The following MGAT4C variants were observed in gnomAD, a reference collection of about 807,000 sequenced individuals.
MGAT4C encodes the protein MGAT4 family member C, also known as alpha-1,3-mannosyl-glycoprotein 4-beta-N-acetylglucosaminyltransferase C.
In MGAT4C, 19 loss-of-function variants were observed where a neutral mutation model predicts 40.1. The ratio of observed to expected loss-of-function variants is 0.47; its 90% CI spans 0.33 to 0.70. The LOEUF is 0.70. Among genes scored for constraint, MGAT4C ranks in the 30% least tolerant of loss-of-function variants. The probability of loss-of-function intolerance (pLI) is 0.02; values close to 1 mark genes in which losing one functional copy is unlikely to be tolerated. For synonymous variants in MGAT4C, 181 were observed against 187.1 expected (o/e 0.97, Z 0.27); for missense variants, 491 against 563.2 (o/e 0.87, Z 1.30).
intron 2 of MGAT4C, among the ~76,000 whole-genome samples, chr12:86,654,229 T>A (rs977697384): frequency 7.2e-5 from 11 of 151,968 alleles, no homozygotes; most frequent in Non-Finnish European, 1.6e-4. Flanking sequence ...CCGTTTAATT[T>A]ACACTGATTG....
At chr12:86,467,518 CACACAT>C (rs1957698994) in intron 2 of MGAT4C, among the ~76,000 whole-genome samples, 1 of 152,094 alleles carries the variant, frequency 6.6e-6, no homozygotes, top group Admixed American at 6.5e-5. Flanking sequence ...ATTATATACA[CACACAT>C]ACACAGAATA....
intron 4 of MGAT4C, among the ~76,000 whole-genome samples, chr12:86,292,509 A>AT (rs1028952212): frequency 6.6e-6 from 1 of 151,756 alleles, no homozygotes; most frequent in African/African-American, 2.4e-5. Flanking sequence ...AGCAGGGCCC[A>AT]TTTTCCCCCA....
At chr12:86,797,844 C>T (rs1180562833) in intron 1 of MGAT4C, among the ~76,000 whole-genome samples, 1 of 151,900 alleles carries the variant, frequency 6.6e-6, no homozygotes, top group Non-Finnish European at 1.5e-5. Context: ...GACACTATAC[C>T]AGCATCTTAG....
chr12:86,403,481 AC>A (rs1365193966), intron 3 of MGAT4C, among the ~76,000 whole-genome samples: 3 of 152,234 alleles, frequency 2.0e-5, no homozygotes, highest in African/African-American at 7.2e-5. Flanking sequence ...AGAAATGTCA[AC>A]CACAAAGAAG....
intron 3 of MGAT4C, among the ~76,000 whole-genome samples, chr12:86,391,791 C>T (rs1456933877): frequency 5.3e-5 from 8 of 151,822 alleles, no homozygotes; most frequent in East Asian, 3.9e-4. Context: ...ACCCGGGAGG[C>T]GGAGCTTGCA....
chr12:86,248,636 G>A (rs531666918), intron 1 of MGAT4C, among the ~76,000 whole-genome samples: 1 of 152,012 alleles, frequency 6.6e-6, no homozygotes. Context: ...TGCCTTTTCT[G>A]TCCTATTGCC....
intron 1 of MGAT4C, among the ~76,000 whole-genome samples, chr12:86,769,009 T>C (rs1259256055): frequency 6.6e-6 from 1 of 151,248 alleles, no homozygotes; most frequent in African/African-American, 2.4e-5. Context: ...AAAGACAAAA[T>C]TGACAAATGG....
intron 3 of MGAT4C, among the ~76,000 whole-genome samples, chr12:86,343,704 T>C (rs1263035181): frequency 6.6e-6 from 1 of 152,176 alleles, no homozygotes; most frequent in Non-Finnish European, 1.5e-5. Flanking sequence ...CTTTCAAATA[T>C]ATCTTCATCA....
intron 2 of MGAT4C, among the ~76,000 whole-genome samples, chr12:86,725,440 C>T (rs919332569): frequency 3.9e-5 from 6 of 152,052 alleles, no homozygotes; most frequent in African/African-American, 1.4e-4. Flanking sequence ...AAAACATCAG[C>T]GCCCCCTGAC....
intron 1 of MGAT4C, among the ~76,000 whole-genome samples, chr12:86,140,763 A>G (rs1369254577): frequency 1.3e-5 from 2 of 152,254 alleles, no homozygotes; most frequent in Non-Finnish European, 2.9e-5. Flanking sequence ...TAGAGCAACT[A>G]GAATGTACTT....
chr12:86,168,299 C>T (rs1447487707), intron 1 of MGAT4C, among the ~76,000 whole-genome samples: 1 of 152,166 alleles, frequency 6.6e-6, no homozygotes, highest in African/African-American at 2.4e-5. Context: ...TGTTAAATTA[C>T]TGAATTACTT....
At chr12:86,026,607 T>C (rs958623133) in intron 2 of MGAT4C, among the ~76,000 whole-genome samples, 5 of 152,018 alleles carry the variant, frequency 3.3e-5, no homozygotes, top group Non-Finnish European at 7.4e-5. Flanking sequence ...TTTTTTGATA[T>C]AAATATATTA....
chr12:86,276,294 G>A (rs1953080141), intron 4 of MGAT4C, among the ~76,000 whole-genome samples: 1 of 151,986 alleles, frequency 6.6e-6, no homozygotes, highest in South Asian at 2.1e-4. Flanking sequence ...TAATTTTGTA[G>A]GTATATGGTG....
intron 2 of MGAT4C, among the ~76,000 whole-genome samples, chr12:86,031,688 A>G (rs1289942561): frequency 2.0e-5 from 3 of 151,908 alleles, no homozygotes; most frequent in African/African-American, 7.2e-5. Context: ...GCAATTTCAG[A>G]TAAGTTTCTG....
At position 85,973,163 on chromosome 12, in the gene MGAT4C, C is replaced by T. The variant is rs1012615559; in HGVS notation, c.*6126G>A. The T allele has an allele frequency of 1.3e-5, 2 of 150,720 alleles. No individual in the cohort carries two copies. Among genetic ancestry groups the T allele is most frequent in the Non-Finnish European group, 3.0e-5 (2 of 67,014 alleles). The allele number at this position is 150,720 out of a possible 1,614,324, so 9.3% of individuals were successfully genotyped here. On this transcript the variant is annotated 3_prime_UTR_variant, in exon 5 of 5. Coordinates refer to ENST00000611864, the MANE Select transcript of MGAT4C (RefSeq NM_001351288.2). Reference sequence around the variant, plus strand: ...ATACTTTTGGTACCTTCATAATAAACGGTAAAGTGAGGGAAAGGGTGGAAG... The same window carrying T: ...ATACTTTTGGTACCTTCATAATAAATGGTAAAGTGAGGGAAAGGGTGGAAG...
intron 2 of MGAT4C, among the ~76,000 whole-genome samples, chr12:86,700,996 AAT>A (rs1950352447): frequency 6.6e-6 from 1 of 152,140 alleles, no homozygotes; most frequent in South Asian, 2.1e-4. Context: ...AATAAGAAAA[AAT>A]ATATTAAAAA....
At chr12:86,334,966 G>A (rs1041397007) in intron 3 of MGAT4C, among the ~76,000 whole-genome samples, 2 of 151,968 alleles carry the variant, frequency 1.3e-5, no homozygotes, top group African/African-American at 4.8e-5. Context: ...ATGTAAAAAT[G>A]TATTCAGAAA....
At chr12:86,293,052 T>C (rs761053477) in intron 4 of MGAT4C, among the ~76,000 whole-genome samples, 1 of 152,168 alleles carries the variant, frequency 6.6e-6, no homozygotes, top group Non-Finnish European at 1.5e-5. Context: ...TAAAATGTTC[T>C]AAACGTTAGT....
chr12:86,384,892 T>G (rs1956022561), intron 3 of MGAT4C, among the ~76,000 whole-genome samples: 1 of 152,204 alleles, frequency 6.6e-6, no homozygotes, highest in South Asian at 2.1e-4. Flanking sequence ...TATGGATACT[T>G]AAGCTGTTAA....
Sources: gnomAD v4.1 joint callset for allele counts (sites outside exome capture counted in the v4.1 genomes callset) on GRCh38, gnomAD v4.1.1 for gene constraint, MANE v1.5 for transcripts, NCBI Gene and HGNC (gene_info 2026-07-23, HGNC 2026-07-21) for gene names.